The following CDH4 variants were observed in gnomAD, a reference collection of about 807,000 sequenced individuals.
The protein encoded by CDH4 is cadherin-4.
CDH4 carries 33 observed loss-of-function variants against 86.0 expected under a neutral mutation model. The observed-to-expected ratio is 0.38, with a 90% CI of 0.29 to 0.51. CDH4 has a LOEUF of 0.51. Among genes scored for constraint, CDH4 ranks in the 20% least tolerant of loss-of-function variants. The pLI, the probability that CDH4 is intolerant of heterozygous loss-of-function variation, is 0.86. For synonymous variants in CDH4, 555 were observed against 549.4 expected (o/e 1.01, Z -0.14); for missense variants, 1,114 against 1,307.4 (o/e 0.85, Z 2.28).
chr20:61,809,235 G>A (rs1413389212), intron 4 of CDH4, among the ~76,000 whole-genome samples: 1 of 152,206 alleles, frequency 6.6e-6, no homozygotes, highest in Non-Finnish European at 1.5e-5. Flanking sequence ...GACCCGCCAT[G>A]GTGGTCCCGG....
chr20:61,554,819 TGA>T (rs1277765832), intron 2 of CDH4, among the ~76,000 whole-genome samples: 13 of 152,338 alleles, frequency 8.5e-5, no homozygotes, highest in South Asian at 2.1e-4. Flanking sequence ...CACATGCGTG[TGA>T]GAGTATGTTC....
At chr20:61,759,520 T>C (rs1401723702) in intron 3 of CDH4, among the ~76,000 whole-genome samples, 1 of 152,176 alleles carries the variant, frequency 6.6e-6, no homozygotes, top group African/African-American at 2.4e-5. Context: ...CACCAACGTC[T>C]TCCCGAATCA....
chr20:61,659,203 T>C (rs2087225381), intron 2 of CDH4, among the ~76,000 whole-genome samples: 1 of 152,134 alleles, frequency 6.6e-6, no homozygotes, highest in Non-Finnish European at 1.5e-5. Context: ...CCCGTGACAC[T>C]CGTGGGGGTT....
At chr20:61,781,696 A>G (rs1978554135) in intron 4 of CDH4, among the ~76,000 whole-genome samples, 1 of 152,218 alleles carries the variant, frequency 6.6e-6, no homozygotes, top group African/African-American at 2.4e-5. Context: ...TCAGAAAAAA[A>G]TCCTCAAAGA....
chr20:61,527,984 C>T lies in CDH4; in HGVS notation c.170-215579C>T, dbSNP rs373847840. 3.5e-4 allele frequency among the ~76,000 whole-genome samples: 53 copies of T among 152,234 alleles called. No individual in the cohort carries two copies. In the East Asian group the frequency reaches 3.9e-3, roughly 11 times the overall value. ...TGCCCCTGACACTTTGGACAATCTA[C>T]GCAGCATTATTCCAGGGTATAGAGA... On this transcript the variant is annotated intron_variant, in intron 2 of 15. Transcript: ENST00000614565.
intron 2 of CDH4, among the ~76,000 whole-genome samples, chr20:61,692,066 C>G (rs1390931889): frequency 6.6e-6 from 1 of 151,886 alleles, no homozygotes; most frequent in African/African-American, 2.4e-5. Context: ...AAACCAGGTC[C>G]AATGAGGGGT....
chr20:61,826,436 C>T (rs752985097), intron 4 of CDH4, among the ~76,000 whole-genome samples: 1 of 152,240 alleles, frequency 6.6e-6, no homozygotes, highest in Non-Finnish European at 1.5e-5. Context: ...GCTCCAGGGC[C>T]ACCCTGTCAG....
chr20:61,853,607 C>T (rs1173990160), intron 6 of CDH4, among the ~76,000 whole-genome samples: 1 of 152,160 alleles, frequency 6.6e-6, no homozygotes. Flanking sequence ...GTGGACGACC[C>T]CCACCAGCAG....
At chr20:61,907,001 C>T (rs533298062) in intron 8 of CDH4, among the ~76,000 whole-genome samples, 10 of 152,236 alleles carry the variant, frequency 6.6e-5, no homozygotes, top group African/African-American at 2.2e-4. Context: ...GCCTCACTGA[C>T]GATGGGGCAG....
Position 61,829,354 on chromosome 20 carries a change from C to T in CDH4, c.577-15314C>T, listed in dbSNP as rs534830270. 7.9e-5 allele frequency among the ~76,000 whole-genome samples: 12 copies of T among 152,244 alleles called. No homozygotes were observed. The highest frequency in any genetic ancestry group is 1.6e-4 in the Non-Finnish European group (11 of 68,046). On this transcript the variant is annotated intron_variant, in intron 4 of 15. Coordinates refer to ENST00000614565, the MANE Select transcript of CDH4 (RefSeq NM_001794.5). This position sits in a 1 kb window ranked among gnomAD's most constrained non-coding sequence, Gnocchi z 4.2. ...ATCAGAACCTAGTTCCTTTCAGGGC[C>T]AAATAACATTTCACTGTGTGGGTGG... is the stretch of plus-strand genomic sequence containing the variant.
At chr20:61,555,071 G>C (rs779673913) in intron 2 of CDH4, among the ~76,000 whole-genome samples, 1 of 152,190 alleles carries the variant, frequency 6.6e-6, no homozygotes, top group African/African-American at 2.4e-5. Flanking sequence ...TGTATATGAT[G>C]TCTGCCCATG....
At chr20:61,724,970 G>A (rs887927123) in intron 2 of CDH4, among the ~76,000 whole-genome samples, 3 of 152,048 alleles carry the variant, frequency 2.0e-5, no homozygotes, top group Non-Finnish European at 2.9e-5. Flanking sequence ...AAATGAGCAG[G>A]GCATGGTGGC....
rs762602057 is a variant in CDH4 at position 61,414,640 on chromosome 20, AG to A, written c.169+159709del. Among the ~76,000 whole-genome samples the A allele has an allele frequency of 2.0e-5, 3 of 152,136 alleles. No individual in the cohort carries two copies. In the South Asian group the frequency reaches 6.2e-4, roughly 32 times the overall value. On this transcript the variant is annotated intron_variant, in intron 2 of 15. Coordinates refer to ENST00000614565, the MANE Select transcript of CDH4 (RefSeq NM_001794.5). Reference sequence around the variant, plus strand: ...AAGCGGCCGTGTGATGGGGTGGTGGAGGGGGGCATTGCTATAAACAGGGGCT... The same window carrying A: ...AAGCGGCCGTGTGATGGGGTGGTGGAGGGGGCATTGCTATAAACAGGGGCT...
Position 61,773,147 on chromosome 20 carries a change from A to G in CDH4, c.541A>G (p.Asn181Asp), listed in dbSNP as rs1246122375. The G allele has an allele frequency of 1.3e-6, 2 of 1,597,530 alleles. No individual in the cohort carries two copies. The highest frequency in any genetic ancestry group is 1.7e-6 in the Non-Finnish European group (2 of 1,172,558). The change falls in exon 4 of 16, where the codon AAC becomes GAC. Residue 181 changes from asparagine (N) to aspartate (D), a missense_variant. Physicochemically the swap from Asn to Asp is conservative, Grantham distance 23. Transcript: ENST00000614565. ...CATCCCGCCCATCAACGTGCCCGAGAACTCGCGCGGGCCCTTCCCGCAGCA... is the reference window on the plus strand; with the variant it reads ...CATCCCGCCCATCAACGTGCCCGAGGACTCGCGCGGGCCCTTCCCGCAGCA... The part of the protein sequence containing the change: ...WVIPPINVPE[N>D]SRGPFPQQLV...
At chr20:61,482,940 C>A (rs903307848) in intron 2 of CDH4, among the ~76,000 whole-genome samples, 1 of 152,212 alleles carries the variant, frequency 6.6e-6, no homozygotes, top group African/African-American at 2.4e-5. Flanking sequence ...AGGCACAGGA[C>A]TTAGCCAGGT....
intron 2 of CDH4, among the ~76,000 whole-genome samples, chr20:61,321,403 T>C (rs2084507661): frequency 6.6e-6 from 1 of 152,152 alleles, no homozygotes; most frequent in South Asian, 2.1e-4. Flanking sequence ...GCTGGAAATT[T>C]TTTTTTAATT....
intron 2 of CDH4, among the ~76,000 whole-genome samples, chr20:61,625,536 T>C (rs2086822927): frequency 6.6e-6 from 1 of 152,190 alleles, no homozygotes; most frequent in African/African-American, 2.4e-5. Flanking sequence ...GATCATCTGC[T>C]TATCATGAGA....
At chr20:61,467,390 A>G (rs930616071) in intron 2 of CDH4, among the ~76,000 whole-genome samples, 2 of 152,086 alleles carry the variant, frequency 1.3e-5, no homozygotes, top group Non-Finnish European at 2.9e-5. Context: ...GATTCTCAGC[A>G]CTCTGAATTA....
Position 61,565,256 on chromosome 20 carries a change from GA to G in CDH4, c.170-178306del, listed in dbSNP as rs1568688709. Reference sequence around the variant, plus strand: ...TGGTGGTGGTGGCGGTGCTCTTGGTGATGGTGGTGGTGGTCCTCTTGGTGAT... The same window carrying G: ...TGGTGGTGGTGGCGGTGCTCTTGGTGTGGTGGTGGTGGTCCTCTTGGTGAT... On this transcript the variant is annotated intron_variant, in intron 2 of 15. Coordinates refer to ENST00000614565, the MANE Select transcript of CDH4 (RefSeq NM_001794.5). Among the ~76,000 whole-genome samples, 22 of 95,862 alleles carry G rather than the reference GA, an allele frequency of 2.3e-4. 3 individuals are homozygous for G. Among genetic ancestry groups the G allele is most frequent in the African/African-American group, 6.4e-4 (16 of 24,864 alleles). The allele number at this position is 95,862 out of a possible 152,430, so 62.9% of individuals were successfully genotyped here. A position where few individuals can be genotyped will look rare whatever the true frequency, so the allele number is the denominator to read the frequency against.
Sources: gnomAD v4.1 joint callset for allele counts (sites outside exome capture counted in the v4.1 genomes callset) on GRCh38, gnomAD v4.1.1 for gene constraint, Gnocchi (gnomAD v3.1) non-coding constraint, MANE v1.5 for transcripts, NCBI Gene and HGNC (gene_info 2026-07-23, HGNC 2026-07-21) for gene names.